The following NTM variants were observed in gnomAD, a reference collection of about 807,000 sequenced individuals.
NTM encodes IgLON family member 2.
Under a neutral mutation model 42.1 loss-of-function variants are expected in NTM, and 13 were observed. The observed-to-expected ratio is 0.31, with a 90% confidence interval of 0.20 to 0.49. The LOEUF (loss-of-function observed/expected upper bound fraction) is 0.49, where lower values mean the gene tolerates loss of function less well. NTM is among the 20% of genes least tolerant of loss of function. The pLI, the probability that NTM is intolerant of heterozygous loss-of-function variation, is 0.99. For synonymous variants in NTM, 187 were observed against 179.2 expected (o/e 1.04, Z -0.35); for missense variants, 373 against 452.8 (o/e 0.82, Z 1.60).
chr11:131,946,613 G>C (rs1396348601), intron 2 of NTM, among the ~76,000 whole-genome samples: 1 of 152,106 alleles, frequency 6.6e-6, no homozygotes, highest in African/African-American at 2.4e-5. Flanking sequence ...GAGTCCACAG[G>C]TTGTCATGGA....
chr11:131,979,208 T>C (rs1379784185), intron 2 of NTM, among the ~76,000 whole-genome samples: 1 of 152,196 alleles, frequency 6.6e-6, no homozygotes, highest in Non-Finnish European at 1.5e-5. Context: ...AAAGTCAAGG[T>C]TACCCAGTCA....
intron 4 of NTM, among the ~76,000 whole-genome samples, chr11:132,242,260 T>C (rs1566559569): frequency 6.6e-6 from 1 of 152,104 alleles, no homozygotes; most frequent in East Asian, 1.9e-4. Flanking sequence ...CTCCAGAGAG[T>C]CCCCATCTTA....
At chr11:131,992,482 G>A (rs1362431583) in intron 2 of NTM, among the ~76,000 whole-genome samples, 3 of 151,846 alleles carry the variant, frequency 2.0e-5, no homozygotes, top group Non-Finnish European at 2.9e-5. Flanking sequence ...ATGAGCTCTC[G>A]GTGTATGAAC....
chr11:131,385,047 G>A (rs1034586453), intron 1 of NTM, among the ~76,000 whole-genome samples: 3 of 152,176 alleles, frequency 2.0e-5, no homozygotes, highest in Non-Finnish European at 1.5e-5. Flanking sequence ...AGGTACCCGG[G>A]CATTGCCCCC....
Position 131,963,478 on chromosome 11 carries a change from A to G in NTM, c.167+51830A>G, listed in dbSNP as rs536081282. ...GTCTTTCAGGTTGTTCAGTCTACAA[A>G]TATCCATGAAAAGATAGGTCCTCTT... On this transcript the variant is annotated intron_variant, in intron 2 of 8. Coordinates refer to ENST00000683400, the MANE Select transcript of NTM (RefSeq NM_001352005.2). Among the ~76,000 whole-genome samples the G allele has an allele frequency of 3.3e-5, 5 of 152,382 alleles. No homozygotes were observed. In the South Asian group the frequency reaches 8.3e-4, roughly 25 times the overall value.
chr11:131,554,545 C>CA (rs1178033877), intron 1 of NTM, among the ~76,000 whole-genome samples: 9,023 of 106,722 alleles, frequency 0.085, 325 homozygotes, highest in Middle Eastern at 0.16. Context: ...CACACATCTA[C>CA]AAAAAAAAAA....
chr11:132,137,122 T>C (rs867830168), intron 2 of NTM, among the ~76,000 whole-genome samples: 10 of 152,306 alleles, frequency 6.6e-5, no homozygotes, highest in Middle Eastern at 3.4e-3. Flanking sequence ...ATCAGTGTAA[T>C]TGCAAAAAAA....
At chr11:131,984,927 C>T (rs1429193368) in intron 2 of NTM, among the ~76,000 whole-genome samples, 1 of 152,150 alleles carries the variant, frequency 6.6e-6, no homozygotes, top group African/African-American at 2.4e-5. Context: ...TTGATAATTG[C>T]CACGAAGGTG....
chr11:131,396,093 G>A (rs954509264), intron 1 of NTM, among the ~76,000 whole-genome samples: 1 of 152,104 alleles, frequency 6.6e-6, no homozygotes, highest in Non-Finnish European at 1.5e-5. Flanking sequence ...TCAAGGGCAG[G>A]CTCCAGAAAA....
At chr11:132,039,370 T>C (rs1169462276) in intron 2 of NTM, among the ~76,000 whole-genome samples, 1 of 152,098 alleles carries the variant, frequency 6.6e-6, no homozygotes, top group Non-Finnish European at 1.5e-5. Flanking sequence ...CATTAATGTT[T>C]GTCAAAGATC....
intron 1 of NTM, among the ~76,000 whole-genome samples, chr11:131,836,427 G>A (rs371532517): frequency 7.2e-5 from 11 of 152,166 alleles, no homozygotes; most frequent in East Asian, 5.8e-4. Flanking sequence ...ATTTGTATAT[G>A]TAATTGTGTA....
intron 4 of NTM, among the ~76,000 whole-genome samples, chr11:132,273,693 G>A (rs144384663): frequency 0.014 from 2,112 of 152,194 alleles, 23 homozygotes; most frequent in Non-Finnish European, 0.023. Flanking sequence ...TATCACATGA[G>A]GTCAGGAGTT....
At chr11:132,083,599 G>T (rs750041600) in intron 2 of NTM, among the ~76,000 whole-genome samples, 48 of 152,202 alleles carry the variant, frequency 3.2e-4, no homozygotes, top group Admixed American at 5.9e-4. Context: ...CTCACCACAG[G>T]TGAGGAACCC....
At chr11:131,854,460 A>G (rs1344090948) in intron 1 of NTM, among the ~76,000 whole-genome samples, 1 of 152,266 alleles carries the variant, frequency 6.6e-6, no homozygotes, top group African/African-American at 2.4e-5. Flanking sequence ...AGGATGTGAC[A>G]TTTCAGTTGA....
intron 1 of NTM, among the ~76,000 whole-genome samples, chr11:131,869,713 G>C (rs939655086): frequency 4.6e-5 from 7 of 151,880 alleles, no homozygotes; most frequent in African/African-American, 1.7e-4. Flanking sequence ...CTCAGGCCCA[G>C]GTGCCACTGT....
At chr11:131,579,656 T>TCATTTTGCTGC (rs148646994) in intron 1 of NTM, among the ~76,000 whole-genome samples, 4,890 of 152,230 alleles carry the variant, frequency 0.032, 262 homozygotes, top group African/African-American at 0.11. Flanking sequence ...TGATCCTTGC[T>TCATTTTGCTGC]CATTTTGCTG....
At chr11:132,254,462 C>T (rs1003194664) in intron 4 of NTM, among the ~76,000 whole-genome samples, 10 of 152,090 alleles carry the variant, frequency 6.6e-5, no homozygotes, top group African/African-American at 2.2e-4. Context: ...TGTGAATGCA[C>T]TTTGTTTTCA....
chr11:132,141,641 C>T (rs1410367173), intron 2 of NTM, among the ~76,000 whole-genome samples: 3 of 152,222 alleles, frequency 2.0e-5, no homozygotes, highest in Non-Finnish European at 2.9e-5. Context: ...AGGTGGGGCA[C>T]CCTCAATAAT....
At chr11:131,715,713 A>G (rs2135348596) in intron 1 of NTM, among the ~76,000 whole-genome samples, 1 of 152,052 alleles carries the variant, frequency 6.6e-6, no homozygotes, top group South Asian at 2.1e-4. Flanking sequence ...CCATAGATTC[A>G]TTTGCATTTT....
Sources: gnomAD v4.1 joint callset for allele counts (sites outside exome capture counted in the v4.1 genomes callset) on GRCh38, gnomAD v4.1.1 for gene constraint, MANE v1.5 for transcripts, NCBI Gene and HGNC (gene_info 2026-07-23, HGNC 2026-07-21) for gene names.